Variants in TRIM16 observed in about 807,000 individuals in gnomAD.
The protein encoded by TRIM16 is tripartite motif containing 16, also known as tripartite motif-containing protein 16.
A neutral mutation model predicts 50.4 loss-of-function variants in TRIM16; 33 were observed. That is an observed-to-expected ratio of 0.65 (90% confidence interval 0.50 to 0.88). The LOEUF (loss-of-function observed/expected upper bound fraction) is 0.88. TRIM16 is among the 40% of genes least tolerant of loss of function. The pLI, the probability that TRIM16 is intolerant of heterozygous loss-of-function variation, is 0.00. For missense variants in TRIM16, 581 were observed against 686.8 expected, an observed-to-expected ratio of 0.85 and a Z score of 1.72; for synonymous variants, 229 against 270.7, an observed-to-expected ratio of 0.85 and a Z score of 1.51.
chr17:15,632,425 C>T, intron 10 of TRIM16, 84 bp downstream of exon 10: 9 of 1,446,914 alleles, frequency 6.2e-6, no homozygotes, highest in African/African-American at 1.4e-5. Flanking sequence ...ATTTCATCCT[C>T]CCTTCCCTGA....
At chr17:15,641,944 G>C (rs935466978) in intron 8 of TRIM16, among the ~76,000 whole-genome samples, 1 of 148,756 alleles carries the variant, frequency 6.7e-6, no homozygotes, top group African/African-American at 2.5e-5. Flanking sequence ...CTGAGTTCAA[G>C]CAATTCTCCT....
rs781368286 is a variant in TRIM16, at chr17:15,653,746, T to G, written c.-337-1800A>C. Among the ~76,000 whole-genome samples the G allele has an allele frequency of 4.6e-5, 7 of 152,192 alleles. No homozygotes were observed. In the South Asian group the frequency reaches 6.2e-4, roughly 13 times the overall value. ...CATTTGTAGGGGAAGGAGACACAAT[T>G]CAGCCCGTAACACACGGTCAGGGCA... is the stretch of plus-strand genomic sequence containing the variant. On this transcript the variant is annotated intron_variant, in intron 6 of 11. Coordinates refer to ENST00000649191, the MANE Select transcript of TRIM16 (RefSeq NM_001348119.1).
chr17:15,637,508 G>T (rs1468033819), intron 8 of TRIM16, among the ~76,000 whole-genome samples: 1 of 97,980 alleles, frequency 1.0e-5, no homozygotes, highest in African/African-American at 3.9e-5. Context: ...CAGCCGCCCC[G>T]TCCGGGAGGG....
chr17:15,629,183 G>C lies in TRIM16; in HGVS notation c.1127C>G (p.Thr376Arg). 5 of 1,610,638 alleles carry C rather than the reference G, an allele frequency of 3.1e-6. No homozygotes were observed. The highest frequency in any genetic ancestry group is 4.2e-6 in the Non-Finnish European group (5 of 1,177,664). Residue 376 changes from threonine (T) to arginine (R), a missense_variant, in exon 12 of 12, where the codon ACG (threonine) becomes AGG (arginine). Coordinates refer to ENST00000649191, the MANE Select transcript of TRIM16 (RefSeq NM_001348119.1). ...CTTGTGTGCTGTGTCCGGGTCAAAC[G>C]TGATGTCATACGCATCTGAGGAGAC... ...EQFLQYAYDITFDPDTAHKYL... is the reference protein window; with the variant it reads ...EQFLQYAYDIRFDPDTAHKYL...
intron 8 of TRIM16, among the ~76,000 whole-genome samples, chr17:15,642,421 C>G (rs886854194): frequency 6.7e-6 from 1 of 148,622 alleles, no homozygotes; most frequent in Admixed American, 6.7e-5. Context: ...CCCAGCCCCC[C>G]ACACACATAC....
At chr17:15,679,528 T>C (rs1449194142) in intron 4 of TRIM16, among the ~76,000 whole-genome samples, 1 of 151,922 alleles carries the variant, frequency 6.6e-6, no homozygotes, top group Non-Finnish European at 1.5e-5. Context: ...TTTAGCCCTG[T>C]AAAAAAAATG....
intron 6 of TRIM16, among the ~76,000 whole-genome samples, chr17:15,661,819 T>C (rs930803299): frequency 5.3e-5 from 8 of 151,940 alleles, no homozygotes; most frequent in African/African-American, 1.7e-4. Flanking sequence ...TAGACCCACT[T>C]TCCCACTCTG....
At position 15,641,009 on chromosome 17, in the gene TRIM16, G is replaced by A. The variant is rs1987089175; in HGVS notation, c.615+1712C>T. Among the ~76,000 whole-genome samples, 3 of 148,430 alleles carry A rather than the reference G, an allele frequency of 2.0e-5. No individual in the cohort carries two copies. The South Asian group carries it at 6.6e-4, about 33-fold the overall frequency. On this transcript the variant is annotated intron_variant, in intron 8 of 11. Coordinates refer to ENST00000649191, the MANE Select transcript of TRIM16 (RefSeq NM_001348119.1). ...TAGAAGCACGATACCATGAGGCTAA[G>A]AGGATGAGACTAAAGACAAACTCAG...
At chr17:15,648,225 CAA>C (rs542434481) in intron 7 of TRIM16, among the ~76,000 whole-genome samples, 7 of 75,504 alleles carry the variant, frequency 9.3e-5, no homozygotes, top group African/African-American at 8.2e-5. Flanking sequence ...GACTCCGTCT[CAA>C]AAAAAAAAAA....
chr17:15,639,454 T>C (rs1385855638), intron 8 of TRIM16, among the ~76,000 whole-genome samples: 1 of 148,138 alleles, frequency 6.8e-6, no homozygotes, highest in Non-Finnish European at 1.5e-5. Flanking sequence ...GTAACAGGAT[T>C]AAGGAAGAGC....
chr17:15,674,095 G>C (rs1988825393), intron 6 of TRIM16, among the ~76,000 whole-genome samples: 1 of 152,184 alleles, frequency 6.6e-6, no homozygotes, highest in Non-Finnish European at 1.5e-5. Context: ...CAATAGGCCG[G>C]GCGCGGTGGC....
chr17:15,677,517 C>T, intron 5 of TRIM16, 58 bp downstream of exon 5: 6 of 1,019,464 alleles, frequency 5.9e-6, no homozygotes, highest in Non-Finnish European at 7.1e-6. Context: ...GCAAGGGAAT[C>T]TTTAGAAGGC....
intron 7 of TRIM16, among the ~76,000 whole-genome samples, chr17:15,644,281 G>A (rs1987253502): frequency 6.6e-6 from 1 of 152,084 alleles, no homozygotes; most frequent in Non-Finnish European, 1.5e-5. Flanking sequence ...TGTCTCCTGG[G>A]TTCAAGCAAT....
intron 6 of TRIM16, among the ~76,000 whole-genome samples, chr17:15,669,445 G>A (rs1005395319): frequency 3.9e-5 from 6 of 152,066 alleles, no homozygotes; most frequent in Non-Finnish European, 7.4e-5. Context: ...AAAACAAACA[G>A]TACACTACTA....
intron 6 of TRIM16, among the ~76,000 whole-genome samples, chr17:15,669,899 C>T (rs1328714289): frequency 6.6e-6 from 1 of 152,148 alleles, no homozygotes; most frequent in Admixed American, 6.5e-5. Context: ...GCCAGTAACA[C>T]CCCCTCCCCC....
intron 6 of TRIM16, among the ~76,000 whole-genome samples, chr17:15,655,343 C>T (rs1452474144): frequency 6.6e-6 from 1 of 152,128 alleles, no homozygotes; most frequent in African/African-American, 2.4e-5. Flanking sequence ...TTCCACGTGG[C>T]TCACTTCTTC....
At chr17:15,681,312 G>C (rs1292253333) in intron 3 of TRIM16, 2 of 162,966 alleles carry the variant, frequency 1.2e-5, no homozygotes, top group African/African-American at 4.8e-5. Flanking sequence ...TGGAGAAAGT[G>C]ACCAATTTTG....
intron 9 of TRIM16, among the ~76,000 whole-genome samples, chr17:15,633,142 A>G (rs1342904738): frequency 1.3e-5 from 2 of 152,148 alleles, no homozygotes; most frequent in African/African-American, 4.8e-5. Flanking sequence ...ACCTTGCTTT[A>G]GTATTTGGAA....
At chr17:15,637,114 G>A (rs1480369382) in intron 8 of TRIM16, among the ~76,000 whole-genome samples, 5 of 118,080 alleles carry the variant, frequency 4.2e-5, no homozygotes, top group Admixed American at 2.2e-4. Flanking sequence ...CGGGAGGGAG[G>A]TGGGGGGGGG....
Sources: gnomAD v4.1 joint callset for allele counts (sites outside exome capture counted in the v4.1 genomes callset) on GRCh38, gnomAD v4.1.1 for gene constraint, MANE v1.5 for transcripts, NCBI Gene and HGNC (gene_info 2026-07-23, HGNC 2026-07-21) for gene names.